HFE: variants seen among roughly 807,000 people sequenced by gnomAD.
HFE encodes homeostatic iron regulator, also known as hereditary hemochromatosis protein.
In HFE, 36 loss-of-function variants were observed where a neutral mutation model predicts 40.9. The ratio of observed to expected loss-of-function variants is 0.88; its 90% confidence interval spans 0.67 to 1.16. The LOEUF (loss-of-function observed/expected upper bound fraction) is 1.16, where lower values mean the gene tolerates loss of function less well. Ranked by LOEUF, HFE falls within the 50% of genes most tolerant of loss-of-function variation. The pLI is 0.00. For synonymous variants in HFE, 157 were observed against 165.4 expected, an observed-to-expected ratio of 0.95 and a Z score of 0.39; for missense variants, 376 against 432.0, an observed-to-expected ratio of 0.87 and a Z score of 1.15.
rs183611054 is a variant in HFE at position 26,092,195 on chromosome 6, A to G, written c.617-490A>G. On this transcript the variant is annotated intron_variant, in intron 3 of 5. Coordinates refer to ENST00000357618, the MANE Select transcript of HFE (RefSeq NM_000410.4). ...TCTTAAAAAAAAAAAAAAAAAAAAAAAGAGAATTCAGAGATCTCAGCTATC... is the reference window on the plus strand; with the variant it reads ...TCTTAAAAAAAAAAAAAAAAAAAAAGAGAGAATTCAGAGATCTCAGCTATC... Among the ~76,000 whole-genome samples, 48 of 146,494 alleles carry G rather than the reference A, an allele frequency of 3.3e-4. No individual in the cohort carries two copies. In the East Asian group the frequency reaches 8.0e-3, roughly 25 times the overall value.
At chr6:26,088,303 C>G (rs1357459703) in intron 1 of HFE, among the ~76,000 whole-genome samples, 9 of 152,190 alleles carry the variant, frequency 5.9e-5, no homozygotes. Flanking sequence ...AAGCAATGCA[C>G]TCACTTCTAA....
At chr6:26,091,728 T>C (rs1283959912) in intron 3 of HFE, 139 bp downstream of exon 3, 4 of 809,696 alleles carry the variant, frequency 4.9e-6, no homozygotes, top group Non-Finnish European at 8.2e-6. Flanking sequence ...ACTTTCTCAA[T>C]CCTAGAGTCT....
rs1223696137 is a variant in HFE, at chr6:26,093,084, C to T, written c.893-35C>T. 5.0e-6 allele frequency: 8 copies of T among 1,612,622 alleles called. No homozygotes were observed. In the Admixed American group the frequency reaches 5.0e-5, roughly 10 times the overall value. The stretch of plus-strand genomic sequence containing the variant: ...TTGTTAGGGGGTGGGCTGAGGGTGG[C>T]AATCAAAGGCTTTAACTTGCTTTTT... On this transcript the variant is annotated intron_variant, in intron 4 of 5. Transcript: ENST00000357618.
In HFE at chr6:26,092,949, T is replaced by C. The variant is rs1221576286; in HGVS notation, c.881T>C (p.Ile294Thr). 1.2e-6 allele frequency: 2 copies of C among 1,613,986 alleles called. No homozygotes were observed. Among genetic ancestry groups the C allele is most frequent in the Admixed American group, 1.7e-5 (1 of 60,006 alleles). Residue 294 changes from isoleucine to threonine, a missense_variant, in exon 4 of 6, where the codon ATT becomes ACT. By Grantham distance (89) the Ile-to-Thr change is moderately conservative (BLOSUM62 -1). Transcript: ENST00000357618. ...CACCCAGGCCTGGATCAGCCCCTCA[T>C]TGTGATCTGGGGTATGTGACTGATG... is the stretch of plus-strand genomic sequence containing the variant. ...VEHPGLDQPL[I>T]VIWEPSPSGT... is the part of the protein sequence containing the mutation.
At position 26,094,951 on chromosome 6, in the gene HFE, A is replaced by G. The variant is rs1762956305; in HGVS notation, c.*725A>G. ...TCTAATTGGCATGAAGGTGTCATAC[A>G]GATTTGCAAAGTTTAATGGTGCCTT... On this transcript the variant is annotated 3_prime_UTR_variant, in exon 6 of 6. Transcript: ENST00000357618. 6.2e-6 allele frequency: 1 copy of G among 161,380 alleles called. No homozygotes were observed. Among genetic ancestry groups the G allele is most frequent in the African/African-American group, 2.4e-5 (1 of 41,490 alleles). The allele number at this position is 161,380 out of a possible 1,614,324, so 10.0% of individuals were successfully genotyped here.
rs1054337746 is a variant in HFE, at chr6:26,097,922, T to G, written c.*3696T>G. The G allele has an allele frequency of 2.0e-5, 3 of 152,216 alleles. No individual in the cohort carries two copies. Among genetic ancestry groups the G allele is most frequent in the Non-Finnish European group, 4.4e-5 (3 of 68,044 alleles). The allele number at this position is 152,216 out of a possible 1,614,324, so 9.4% of individuals were successfully genotyped here. A position where few individuals can be genotyped will look rare whatever the true frequency, so the allele number is the denominator to read the frequency against. ...TCATAAACTCAGTTTTAAACTAACT[T>G]TTTTTCAAACCACAATCTGATTTAA... On this transcript the variant is annotated 3_prime_UTR_variant, in exon 6 of 6. Coordinates refer to ENST00000357618, the MANE Select transcript of HFE (RefSeq NM_000410.4).
Position 26,094,246 on chromosome 6 carries a change from C to A in HFE, c.*20C>A. 1 of 1,612,904 alleles carries A rather than the reference C, an allele frequency of 6.2e-7. No individual in the cohort carries two copies. The highest frequency in any genetic ancestry group is 2.2e-5 in the East Asian group (1 of 44,878). ...GAGTGACACGCAGCCTGCAGACTCA[C>A]TGTGGGAAGGAGACAAAACTAGAGA... is the stretch of plus-strand genomic sequence containing the variant. On this transcript the variant is annotated 3_prime_UTR_variant, in exon 6 of 6. Transcript: ENST00000357618.
In HFE at chr6:26,097,095, G is replaced by T. The variant is rs1185994830; in HGVS notation, c.*2869G>T. 2 of 159,012 alleles carry T rather than the reference G, an allele frequency of 1.3e-5. No homozygotes were observed. The highest frequency in any genetic ancestry group is 4.8e-5 in the African/African-American group (2 of 41,460). The allele number at this position is 159,012 out of a possible 1,614,324, so 9.9% of individuals were successfully genotyped here. A position where few individuals can be genotyped will look rare whatever the true frequency, so the allele number is the denominator to read the frequency against. On this transcript the variant is annotated 3_prime_UTR_variant, in exon 6 of 6. Coordinates refer to ENST00000357618, the MANE Select transcript of HFE (RefSeq NM_000410.4). ...CTCTTAATATCTTACTATACTGAAA[G>T]CAGACTGCTATAAGGCTTCACTTAC...
At chr6:26,092,173 TAAAAAAAAA>T (rs34225963) in intron 3 of HFE, among the ~76,000 whole-genome samples, 3 of 98,744 alleles carry the variant, frequency 3.0e-5, no homozygotes, top group African/African-American at 4.3e-5. Context: ...GACTCCATCT[TAAAAAAAAA>T]AAAAAAAAAA....
intron 5 of HFE, among the ~76,000 whole-genome samples, 174 bp downstream of exon 5, chr6:26,093,406 C>G (rs1264928460): frequency 6.6e-6 from 1 of 152,112 alleles, no homozygotes; most frequent in East Asian, 1.9e-4. Context: ...ATGAAAGTCT[C>G]TAATTCAACA....
At position 26,091,564 on chromosome 6, in the gene HFE, G is replaced by A; in HGVS notation, c.591G>A (p.Leu197=). ...CPAQLQQLLE[L]GRGVLDQQVP... ...CACAGCTGCAGCAGTTGCTGGAGCTGGGGAGAGGTGTTTTGGACCAACAAG... is the reference window on the plus strand; with the variant it reads ...CACAGCTGCAGCAGTTGCTGGAGCTAGGGAGAGGTGTTTTGGACCAACAAG... Residue 197 remains leucine, a synonymous_variant, in exon 3 of 6, where the codon CTG becomes CTA. Coordinates refer to ENST00000357618, the MANE Select transcript of HFE (RefSeq NM_000410.4). 1 of 1,613,514 alleles carries A rather than the reference G, an allele frequency of 6.2e-7. No homozygotes were observed. Among genetic ancestry groups the A allele is most frequent in the Non-Finnish European group, 8.5e-7 (1 of 1,179,900 alleles).
Position 26,094,241 on chromosome 6 carries a change from A to T in HFE, c.*15A>T, listed in dbSNP as rs1274250507. 1.2e-6 allele frequency: 2 copies of T among 1,613,392 alleles called. No individual in the cohort carries two copies. Among genetic ancestry groups the T allele is most frequent in the African/African-American group, 2.7e-5 (2 of 74,908 alleles). On this transcript the variant is annotated 3_prime_UTR_variant, in exon 6 of 6. Coordinates refer to ENST00000357618, the MANE Select transcript of HFE (RefSeq NM_000410.4). ...AACGTGAGTGACACGCAGCCTGCAG[A>T]CTCACTGTGGGAAGGAGACAAAACT...
chr6:26,090,724 C>A, intron 1 of HFE, 117 bp from the exon 2 acceptor site: 1 of 1,096,026 alleles, frequency 9.1e-7, no homozygotes, highest in Non-Finnish European at 1.4e-6. Context: ...GCAACTCACC[C>A]TTCACAAAAT....
At chr6:26,087,579 T>C (rs1762370940) in intron 1 of HFE, 63 bp downstream of exon 1, 2 of 1,425,548 alleles carry the variant, frequency 1.4e-6, no homozygotes, top group Non-Finnish European at 2.0e-6. Context: ...GAAACTAGCT[T>C]TTTCTTTGCG....
intron 3 of HFE, 85 bp downstream of exon 3, chr6:26,091,674 C>T: frequency 6.9e-7 from 1 of 1,453,684 alleles, no homozygotes; most frequent in Admixed American, 1.8e-5. Flanking sequence ...GTTGGAGTTT[C>T]AGAGGTGGCT....
In HFE at chr6:26,091,609, C is replaced by T; in HGVS notation, c.616+20C>T. The T allele has an allele frequency of 6.2e-7, 1 of 1,611,616 alleles. No homozygotes were observed. On this transcript the variant is annotated intron_variant, in intron 3 of 5. Transcript: ENST00000357618. The stretch of plus-strand genomic sequence containing the variant: ...AACAAGGTATGGTGGAAACACACTT[C>T]TGCCCCTATACTCTAGTGGCAGAGT...
Position 26,094,781 on chromosome 6 carries a change from G to A in HFE, c.*555G>A, listed in dbSNP as rs1762945462. On this transcript the variant is annotated 3_prime_UTR_variant, in exon 6 of 6. Transcript: ENST00000357618. ...CTTCCATCTGATTGTGATGTGAGTT[G>A]CACAGCTATGAAGGCTGTACACTGC... The A allele has an allele frequency of 5.3e-6, 2 of 374,674 alleles. No individual in the cohort carries two copies. The highest frequency in any genetic ancestry group is 1.0e-5 in the Non-Finnish European group (2 of 199,064). The allele number at this position is 374,674 out of a possible 1,614,324, so 23.2% of individuals were successfully genotyped here.
intron 3 of HFE, among the ~76,000 whole-genome samples, chr6:26,091,912 C>T (rs1277017326): frequency 6.6e-6 from 1 of 151,966 alleles, no homozygotes; most frequent in African/African-American, 2.4e-5. Flanking sequence ...GGCACGGTGG[C>T]TCACCCCTGT....
Position 26,096,538 on chromosome 6 carries a change from C to A in HFE, c.*2312C>A, listed in dbSNP as rs749134171. ...GGTACAAGCATTCTGTCTTGAAGGG[C>A]AGGTGCTTCAGGATACCATATACAG... On this transcript the variant is annotated 3_prime_UTR_variant, in exon 6 of 6. Transcript: ENST00000357618. 5.3e-5 allele frequency: 24 copies of A among 456,476 alleles called. 1 individual carries two copies. The highest frequency in any genetic ancestry group is 3.7e-4 in the South Asian group (24 of 64,556). The allele number at this position is 456,476 out of a possible 1,614,324, so 28.3% of individuals were successfully genotyped here. A position where few individuals can be genotyped will look rare whatever the true frequency, so the allele number is the denominator to read the frequency against.
Sources: gnomAD v4.1 joint callset for allele counts (sites outside exome capture counted in the v4.1 genomes callset) on GRCh38, gnomAD v4.1.1 for gene constraint, MANE v1.5 for transcripts, NCBI Gene and HGNC (gene_info 2026-07-23, HGNC 2026-07-21) for gene names.